C2orf42: variants seen among roughly 807,000 people sequenced by gnomAD.
C2orf42 encodes chromosome 2 open reading frame 42.
A neutral mutation model predicts 58.9 loss-of-function variants in C2orf42; 44 were observed. The ratio of observed to expected loss-of-function variants is 0.75; its 90% CI spans 0.59 to 0.96. C2orf42 has a LOEUF of 0.96. Among genes scored for constraint, C2orf42 ranks in the 40% least tolerant of loss-of-function variants. C2orf42 has a pLI of 0.00. For missense variants in C2orf42, 630 were observed against 699.2 expected, an observed-to-expected ratio of 0.90 and a Z score of 1.12; for synonymous variants, 239 against 265.4, an observed-to-expected ratio of 0.90 and a Z score of 0.97.
intron 5 of C2orf42, among the ~76,000 whole-genome samples, chr2:70,173,267 CTTTTTTTTTT>C (rs202063318): frequency 1.0e-5 from 1 of 95,752 alleles, no homozygotes; most frequent in African/African-American, 4.7e-5. Flanking sequence ...TGCGTAAGTT[CTTTTTTTTTT>C]TTTTTTTTTT....
intron 5 of C2orf42, among the ~76,000 whole-genome samples, chr2:70,171,280 A>AAAATAAATAAGT (rs1673802484): frequency 1.3e-5 from 2 of 152,250 alleles, no homozygotes; most frequent in African/African-American, 4.8e-5. Context: ...ATCTCAAGTA[A>AAAATAAATAAGT]AAATAAATAA....
At chr2:70,157,264 C>T (rs1672734423) in intron 9 of C2orf42, among the ~76,000 whole-genome samples, 1 of 150,976 alleles carries the variant, frequency 6.6e-6, no homozygotes, top group East Asian at 2.0e-4. Context: ...ACCATCCTGG[C>T]TAACATGGTG....
chr2:70,181,882 T>A lies in C2orf42; in HGVS notation c.104A>T (p.Asn35Ile). The change falls in exon 3 of 10, where the codon AAT becomes ATT. Residue 35 changes from asparagine (N) to isoleucine (I), a missense_variant. Asn to Ile is a moderately radical substitution (Grantham distance 149, BLOSUM62 -3). Coordinates refer to ENST00000264434, the MANE Select transcript of C2orf42 (RefSeq NM_017880.3). ...CTTACAGCTCAGTCCCCGGGTTCCA[T>A]TGTATGTGCCACATCGGGGACACTT... ...IRKCPRCGTY[N>I]GTRGLSCKNK... 6.2e-7 allele frequency: 1 copy of A among 1,613,900 alleles called. No individual in the cohort carries two copies. Among genetic ancestry groups the A allele is most frequent in the Non-Finnish European group, 8.5e-7 (1 of 1,179,812 alleles).
At chr2:70,158,860 G>A (rs1290711758) in intron 9 of C2orf42, among the ~76,000 whole-genome samples, 1 of 151,478 alleles carries the variant, frequency 6.6e-6, no homozygotes, top group Admixed American at 6.6e-5. Context: ...CCAAAGTGCT[G>A]GGATTACAGG....
intron 9 of C2orf42, among the ~76,000 whole-genome samples, chr2:70,154,637 A>G (rs549478907): frequency 6.6e-6 from 1 of 152,284 alleles, no homozygotes; most frequent in East Asian, 1.9e-4. Context: ...TTCTTCTAAT[A>G]AATGGTTTGT....
At chr2:70,184,479 A>ATTTT (rs771522645) in intron 1 of C2orf42, among the ~76,000 whole-genome samples, 1 of 77,356 alleles carries the variant, frequency 1.3e-5, no homozygotes, top group Non-Finnish European at 2.3e-5. Context: ...GCCTGGCCCT[A>ATTTT]TTTTTTTTTT....
rs566342364 is a variant in C2orf42 at position 70,168,002 on chromosome 2, G to A, written c.1144+1555C>T. 2.6e-5 allele frequency among the ~76,000 whole-genome samples: 4 copies of A among 152,080 alleles called. No individual in the cohort carries two copies. The South Asian group carries it at 8.3e-4, about 32-fold the overall frequency. On this transcript the variant is annotated intron_variant, in intron 6 of 9. Coordinates refer to ENST00000264434, the MANE Select transcript of C2orf42 (RefSeq NM_017880.3). ...AATCCCAGCACTTTGGGAGGCCGAG[G>A]TAGGTGGATCACCTGAGGTCAGGAG...
chr2:70,165,328 G>A (rs1340872722), intron 7 of C2orf42, 136 bp from the exon 8 acceptor site: 4 of 640,090 alleles, frequency 6.2e-6, no homozygotes, highest in African/African-American at 5.5e-5. Context: ...AATTCTAGAG[G>A]CAAATATATA....
intron 7 of C2orf42, 96 bp downstream of exon 7, chr2:70,165,432 C>T: frequency 1.3e-6 from 1 of 752,904 alleles, no homozygotes; most frequent in East Asian, 2.5e-5. Context: ...AGTCCTAACT[C>T]TGAATACTCA....
In C2orf42 at chr2:70,160,750, C is replaced by T. The variant is rs199935818; in HGVS notation, c.1391G>A (p.Arg464Gln). Residue 464 changes from arginine (R) to glutamine (Q), a missense_variant, in exon 9 of 10, where the codon CGA becomes CAA. Physicochemically the swap from Arg to Gln is conservative, Grantham distance 43. Coordinates refer to ENST00000264434, the MANE Select transcript of C2orf42 (RefSeq NM_017880.3). ...TTTAAATAGCTCATAAGTCCCATCT[C>T]GGTTCTGGATAAAGCTACGGGTGAT... ...LEITRSFIQN[R>Q]DGTYELFKCP... 163 of 1,610,766 alleles carry T rather than the reference C, an allele frequency of 1.0e-4. No individual in the cohort carries two copies. The East Asian group carries it at 2.9e-3, about 28-fold the overall frequency.
chr2:70,181,380 C>T lies in C2orf42; in HGVS notation c.606G>A (p.Gly202=). The T allele has an allele frequency of 1.2e-6, 2 of 1,614,070 alleles. No homozygotes were observed. The highest frequency in any genetic ancestry group is 1.1e-5 in the South Asian group (1 of 91,068). ...KCKASQKHSL[G]YLHTSFVQKV... is the part of the protein sequence containing the mutation. ...TCTGCACAAAAGATGTATGCAAATA[C>T]CCCAAACTGTGCTTCTGGCTTGCCT... The change falls in exon 3 of 10, where the codon GGG becomes GGA. Residue 202 remains glycine, a synonymous_variant. Transcript: ENST00000264434.
At chr2:70,152,404 T>C (rs1672365972) in intron 9 of C2orf42, among the ~76,000 whole-genome samples, 1 of 152,102 alleles carries the variant, frequency 6.6e-6, no homozygotes, top group Non-Finnish European at 1.5e-5. Context: ...AATGAAGACA[T>C]AGAAAAAGAT....
At chr2:70,162,634 C>T (rs1336158300) in intron 8 of C2orf42, among the ~76,000 whole-genome samples, 1 of 151,756 alleles carries the variant, frequency 6.6e-6, no homozygotes, top group Non-Finnish European at 1.5e-5. Flanking sequence ...CAGAGTGAGA[C>T]TCTGTCTCAA....
Position 70,176,227 on chromosome 2 carries a change from T to C in C2orf42, c.935-450A>G, listed in dbSNP as rs146338410. ...CACAAATATTGCATGGAAATACTTA[T>C]ACTAAAAATTATTCGTTCTGTAATC... On this transcript the variant is annotated intron_variant, in intron 4 of 9. Coordinates refer to ENST00000264434, the MANE Select transcript of C2orf42 (RefSeq NM_017880.3). 2.3e-3 allele frequency among the ~76,000 whole-genome samples: 352 copies of C among 152,332 alleles called. 1 individual carries two copies. The highest frequency in any genetic ancestry group is 8.1e-3 in the African/African-American group (338 of 41,580).
chr2:70,181,566 C>T lies in C2orf42; in HGVS notation c.420G>A (p.Val140=), dbSNP rs145845790. 1.1e-5 allele frequency: 18 copies of T among 1,613,990 alleles called. No homozygotes were observed. In the African/African-American group the frequency reaches 1.3e-4, roughly 12 times the overall value. The change falls in exon 3 of 10, where the codon GTG becomes GTA. Residue 140 remains valine, a synonymous_variant. Coordinates refer to ENST00000264434, the MANE Select transcript of C2orf42 (RefSeq NM_017880.3). ...GAGGGGTGGCCTCTGCCTGGCAGTT[C>T]ACCGCCAGCTTGATGTGCTGGCACT... ...ENQCQHIKLA[V]NCQAEATPLT... is the part of the protein sequence containing the mutation.
At chr2:70,165,774 A>G in intron 6 of C2orf42, 139 bp from the exon 7 acceptor site, 3 of 597,026 alleles carry the variant, frequency 5.0e-6, no homozygotes, top group Non-Finnish European at 8.9e-6. Flanking sequence ...AGAGGCAAAA[A>G]GAAGGCTTTG....
intron 9 of C2orf42, among the ~76,000 whole-genome samples, chr2:70,159,591 C>CAA (rs56879530): frequency 2.7e-5 from 3 of 109,802 alleles, no homozygotes; most frequent in Admixed American, 1.8e-4. Flanking sequence ...ACTCCCTCTC[C>CAA]AAAAAAAAAA....
At chr2:70,189,238 C>G (rs1021636834) in intron 1 of C2orf42, among the ~76,000 whole-genome samples, 1 of 150,478 alleles carries the variant, frequency 6.6e-6, no homozygotes, top group Non-Finnish European at 1.5e-5. Context: ...GAAACCCTAT[C>G]TCTACTAAAA....
intron 6 of C2orf42, among the ~76,000 whole-genome samples, chr2:70,167,005 TTCTC>T (rs1317646006): frequency 6.6e-6 from 1 of 150,446 alleles, no homozygotes; most frequent in Non-Finnish European, 1.5e-5. Context: ...GCATCTGTCT[TTCTC>T]TCTGAATATG....
Sources: gnomAD v4.1 joint callset for allele counts (sites outside exome capture counted in the v4.1 genomes callset) on GRCh38, gnomAD v4.1.1 for gene constraint, MANE v1.5 for transcripts, NCBI Gene and HGNC (gene_info 2026-07-23, HGNC 2026-07-21) for gene names.